The following STIM1 variants were observed in gnomAD, a reference collection of about 807,000 sequenced individuals.
STIM1 encodes stromal interaction molecule 1.
A neutral mutation model predicts 74.7 loss-of-function variants in STIM1; 25 were observed. The ratio of observed to expected loss-of-function variants is 0.33; its 90% CI spans 0.24 to 0.47. The LOEUF is 0.47. Ranked by LOEUF, STIM1 falls within the 20% of genes least tolerant of loss-of-function variation. The probability of loss-of-function intolerance (pLI) is 1.00; values close to 1 mark genes in which losing one functional copy is unlikely to be tolerated. For missense variants in STIM1, 728 were observed against 920.8 expected, an observed-to-expected ratio of 0.79 and a Z score of 2.71; for synonymous variants, 328 against 348.8, an observed-to-expected ratio of 0.94 and a Z score of 0.66.
intron 1 of STIM1, chr11:3,947,646 T>C (rs570339146): frequency 1.1e-3 from 168 of 152,266 alleles, no homozygotes; most frequent in African/African-American, 3.9e-3. Flanking sequence ...CCAGGCTCAG[T>C]TGGCAGCAGA....
chr11:4,075,374 C>G (rs2094432007), intron 7 of STIM1, among the ~76,000 whole-genome samples: 1 of 152,170 alleles, frequency 6.6e-6, no homozygotes, highest in Non-Finnish European at 1.5e-5. Flanking sequence ...CCAGGAAACT[C>G]ACTTTTGCTA....
chr11:4,037,931 A>T (rs1237154103), intron 3 of STIM1, among the ~76,000 whole-genome samples: 1 of 151,238 alleles, frequency 6.6e-6, no homozygotes. Context: ...TTAATTCAGT[A>T]TTTTTTATAA....
chr11:3,901,011 C>T (rs188795506), intron 1 of STIM1, among the ~76,000 whole-genome samples: 21 of 152,258 alleles, frequency 1.4e-4, no homozygotes, highest in Admixed American at 2.0e-4. Context: ...GCCAACATGG[C>T]GAAACCCTGT....
chr11:4,088,860 A>C (rs1411340662), intron 12 of STIM1: 32 of 983,080 alleles, frequency 3.3e-5, no homozygotes, highest in Non-Finnish European at 4.9e-5. Context: ...TTTCCCTCCT[A>C]TATCTCCCTA....
chr11:4,029,031 CA>C (rs2094023997), intron 3 of STIM1, among the ~76,000 whole-genome samples: 1 of 151,516 alleles, frequency 6.6e-6, no homozygotes, highest in African/African-American at 2.4e-5. Context: ...ACTAAAAATA[CA>C]AAAAAATTAG....
At chr11:3,957,614 G>A (rs144514459) in intron 1 of STIM1, among the ~76,000 whole-genome samples, 86 of 152,232 alleles carry the variant, frequency 5.6e-4, no homozygotes, top group African/African-American at 2.0e-3. Context: ...CTGGAGTGCA[G>A]TGTCATGATC....
chr11:4,085,458 G>A (rs1304682790), intron 11 of STIM1, among the ~76,000 whole-genome samples: 1 of 152,196 alleles, frequency 6.6e-6, no homozygotes, highest in African/African-American at 2.4e-5. Context: ...CCTTCACTGG[G>A]CATAGTGGCC....
At chr11:4,080,691 C>T (rs1169694654) in intron 7 of STIM1, among the ~76,000 whole-genome samples, 1 of 152,162 alleles carries the variant, frequency 6.6e-6, no homozygotes, top group Non-Finnish European at 1.5e-5. Context: ...CTCTCGAACT[C>T]CTGGGCTCAA....
chr11:4,047,258 C>T (rs1413064406), intron 3 of STIM1, among the ~76,000 whole-genome samples: 1 of 152,088 alleles, frequency 6.6e-6, no homozygotes, highest in Non-Finnish European at 1.5e-5. Context: ...GGCTGGAGGA[C>T]TGCCAGAGGC....
rs777537168 is a variant in STIM1, at chr11:4,083,395, C to A, written c.1371C>A (p.Asp457Glu). The change falls in exon 10 of 13, where the codon GAC (aspartate) becomes GAA (glutamate). Residue 457 changes from aspartate to glutamate, a missense_variant. Physicochemically the swap from Asp to Glu is conservative, Grantham distance 45. Coordinates refer to ENST00000526596, the MANE Select transcript of STIM1 (RefSeq NM_001382567.1). ...IHSLVAALNI[D>E]PSWMGSTRPN... ...CACTGGTGGCTGCCCTCAACATAGA[C>A]CCCAGCTGGATGGGCAGTACACGCC... 6.8e-6 allele frequency: 11 copies of A among 1,614,126 alleles called. No homozygotes were observed. The highest frequency in any genetic ancestry group is 9.3e-6 in the Non-Finnish European group (11 of 1,180,064).
intron 2 of STIM1, among the ~76,000 whole-genome samples, chr11:3,976,881 A>G (rs577577436): frequency 5.7e-4 from 86 of 151,648 alleles, no homozygotes; most frequent in African/African-American, 2.0e-3. Flanking sequence ...TGCAACCTCT[A>G]CCTCCTGGGT....
chr11:3,913,540 G>A (rs958297196), intron 1 of STIM1, among the ~76,000 whole-genome samples: 4 of 152,214 alleles, frequency 2.6e-5, no homozygotes, highest in African/African-American at 7.2e-5. Context: ...ACTATGCACC[G>A]GGTTCCTGAC....
intron 1 of STIM1, among the ~76,000 whole-genome samples, chr11:3,919,593 G>A (rs2092692984): frequency 6.6e-6 from 1 of 152,090 alleles, no homozygotes; most frequent in Admixed American, 6.5e-5. Context: ...TTTATAATGT[G>A]TTGGTTAATG....
intron 1 of STIM1, among the ~76,000 whole-genome samples, chr11:3,945,515 C>G (rs948721843): frequency 2.0e-5 from 3 of 152,160 alleles, no homozygotes; most frequent in Non-Finnish European, 2.9e-5. Flanking sequence ...AGGAGAATCA[C>G]TTGAACCCGG....
intron 4 of STIM1, chr11:4,058,785 T>G: frequency 3.0e-6 from 3 of 987,364 alleles, no homozygotes; most frequent in Non-Finnish European, 3.6e-6. Flanking sequence ...ATTAAAATTT[T>G]TTTTCCTTTT....
intron 4 of STIM1, chr11:4,058,978 A>C: frequency 8.5e-7 from 1 of 1,169,906 alleles, no homozygotes; most frequent in Non-Finnish European, 1.1e-6. Flanking sequence ...TAAACCCTGG[A>C]AGGAGAAGCA....
chr11:3,900,586 T>A (rs764263264), intron 1 of STIM1, among the ~76,000 whole-genome samples: 34 of 152,294 alleles, frequency 2.2e-4, no homozygotes, highest in South Asian at 1.5e-3. Flanking sequence ...GCTCCCGACC[T>A]GTTTGTTTGT....
chr11:3,896,305 T>G (rs2092173678), intron 1 of STIM1, among the ~76,000 whole-genome samples: 1 of 152,172 alleles, frequency 6.6e-6, no homozygotes, highest in African/African-American at 2.4e-5. Context: ...GTGCTTAGTT[T>G]AGTTTTCTCA....
rs370846246 is a variant in STIM1 at position 4,091,364 on chromosome 11, C to A, written c.1717C>A (p.Arg573Ser). The A allele has an allele frequency of 2.5e-6, 4 of 1,614,120 alleles. No individual in the cohort carries two copies. In the Admixed American group the frequency reaches 5.0e-5, roughly 20 times the overall value. ...GGCCCCCAAACCTCCTCAGATGAGCCGTGCTGCAGACGAGGCTCTCAATGC... is the reference window on the plus strand; with the variant it reads ...GGCCCCCAAACCTCCTCAGATGAGCAGTGCTGCAGACGAGGCTCTCAATGC... ...RVAPKPPQMS[R>S]AADEALNAMT... is the part of the protein sequence containing the mutation. Residue 573 changes from arginine to serine, a missense_variant, in exon 13 of 13, where the codon CGT becomes AGT. Around this residue, in one of 5 missense-constraint regions of STIM1, gnomAD observed 352 missense variants for 370.1 expected, o/e 0.95. Coordinates refer to ENST00000526596, the MANE Select transcript of STIM1 (RefSeq NM_001382567.1).
Sources: gnomAD v4.1 joint callset for allele counts (sites outside exome capture counted in the v4.1 genomes callset) on GRCh38, gnomAD v4.1.1 for gene constraint, gnomAD v4.1.1 regional missense constraint, MANE v1.5 for transcripts, NCBI Gene and HGNC (gene_info 2026-07-23, HGNC 2026-07-21) for gene names.